Variants in FBN2 observed in about 807,000 individuals in gnomAD.
FBN2 encodes fibrillin-2.
FBN2 carries 105 observed loss-of-function variants against 355.6 expected under a neutral mutation model. That is an observed-to-expected ratio of 0.30 (90% confidence interval 0.25 to 0.35). The LOEUF is 0.35. Ranked by LOEUF, FBN2 falls within the 10% of genes least tolerant of loss-of-function variation. The pLI is 1.00. For synonymous variants in FBN2, 1,350 were observed against 1,301.2 expected (o/e 1.04, Z -0.81); for missense variants, 3,280 against 3,758.7 (o/e 0.87, Z 3.33).
chr5:128,330,798 G>A lies in FBN2; in HGVS notation c.4223-103C>T. On this transcript the variant is annotated intron_variant, in intron 32 of 64. Transcript: ENST00000262464. The stretch of plus-strand genomic sequence containing the variant: ...TTACATATAAACTGGATAAATGACA[G>A]GCATTTTAGTTTGCAGGATCACAGT... The A allele has an allele frequency of 3.9e-6, 5 of 1,290,758 alleles. No homozygotes were observed. The South Asian group carries it at 6.2e-5, about 16-fold the overall frequency. The allele number at this position is 1,290,758 out of a possible 1,614,324, so 80.0% of individuals were successfully genotyped here.
At chr5:128,296,005 C>A (rs1036074489) in intron 48 of FBN2, among the ~76,000 whole-genome samples, 1 of 151,660 alleles carries the variant, frequency 6.6e-6, no homozygotes, top group African/African-American at 2.4e-5. Context: ...TTTTGAGATA[C>A]GTCCCATCAA....
At chr5:128,501,041 G>GCC (rs1413781024) in intron 5 of FBN2, among the ~76,000 whole-genome samples, 2 of 152,094 alleles carry the variant, frequency 1.3e-5, no homozygotes, top group African/African-American at 4.8e-5. Context: ...CTGGGGTGAA[G>GCC]CCCCTTACAA....
intron 20 of FBN2, among the ~76,000 whole-genome samples, chr5:128,353,411 C>G (rs954505017): frequency 6.6e-6 from 1 of 152,174 alleles, no homozygotes; most frequent in Non-Finnish European, 1.5e-5. Context: ...AAGAGCTGGA[C>G]AGTCACTTTG....
chr5:128,297,490 C>T (rs1749557971), intron 48 of FBN2, among the ~76,000 whole-genome samples: 2 of 152,086 alleles, frequency 1.3e-5, no homozygotes, highest in African/African-American at 2.4e-5. Flanking sequence ...TTGTAGGTCA[C>T]TCAGGACTTG....
At chr5:128,374,482 C>A (rs1187871035) in intron 15 of FBN2, 146 bp downstream of exon 15, 2 of 1,124,802 alleles carry the variant, frequency 1.8e-6, no homozygotes, top group Non-Finnish European at 1.3e-6. Flanking sequence ...TGGCTTCTTT[C>A]ACTTAGCATA....
Position 128,288,478 on chromosome 5 carries a change from G to A in FBN2, c.6717C>T (p.Cys2239=). 1 of 1,613,960 alleles carries A rather than the reference G, an allele frequency of 6.2e-7. No individual in the cohort carries two copies. ...TGGGCCCTGGCTCAAAGCCTTCATT[G>A]CAATTGCATTCAAAACTCCCAATAA... ...TNVIGSFECN[C]NEGFEPGPMM... Residue 2239 remains cysteine (C), a synonymous_variant, in exon 53 of 65, where the codon TGC becomes TGT. Coordinates refer to ENST00000262464, the MANE Select transcript of FBN2 (RefSeq NM_001999.4).
rs10076728 is a variant in FBN2, at chr5:128,312,365, A to G, written c.4879+269T>C. On this transcript the variant is annotated intron_variant, in intron 37 of 64. Coordinates refer to ENST00000262464, the MANE Select transcript of FBN2 (RefSeq NM_001999.4). ...GAATCAGGAATGCACTTTATCTGTG[A>G]CATCATGAAGAACTGATATTAGTAC... Among the ~76,000 whole-genome samples, 12,121 of 152,300 alleles carry G rather than the reference A, an allele frequency of 0.08. 627 individuals carry two copies. Among genetic ancestry groups the G allele is most frequent in the Non-Finnish European group, 0.11 (7,817 of 68,016 alleles).
At chr5:128,481,937 G>A (rs1303575863) in intron 5 of FBN2, among the ~76,000 whole-genome samples, 1 of 152,128 alleles carries the variant, frequency 6.6e-6, no homozygotes, top group African/African-American at 2.4e-5. Flanking sequence ...ACAGAAAATA[G>A]CAAATCTTAT....
chr5:128,399,274 T>A (rs1473472190), intron 8 of FBN2, among the ~76,000 whole-genome samples: 1 of 152,094 alleles, frequency 6.6e-6, no homozygotes, highest in Non-Finnish European at 1.5e-5. Flanking sequence ...ACAAGACAGA[T>A]CACCTGCTGA....
At chr5:128,297,786 A>G (rs902143582) in intron 48 of FBN2, among the ~76,000 whole-genome samples, 2 of 152,092 alleles carry the variant, frequency 1.3e-5, no homozygotes, top group African/African-American at 4.8e-5. Context: ...TTGAGTCTTT[A>G]TCCAATTTGC....
At chr5:128,519,997 G>A (rs1411527556) in intron 4 of FBN2, among the ~76,000 whole-genome samples, 1 of 152,046 alleles carries the variant, frequency 6.6e-6, no homozygotes, top group East Asian at 1.9e-4. Flanking sequence ...GAGACTATTT[G>A]CAGGTCATAG....
intron 7 of FBN2, among the ~76,000 whole-genome samples, chr5:128,440,916 G>T (rs540392076): frequency 6.6e-6 from 1 of 152,252 alleles, no homozygotes; most frequent in East Asian, 1.9e-4. Flanking sequence ...TTCTTAAAAG[G>T]CTCCATGGAA....
intron 15 of FBN2, among the ~76,000 whole-genome samples, chr5:128,369,960 C>A (rs1751887454): frequency 6.6e-6 from 1 of 152,172 alleles, no homozygotes; most frequent in South Asian, 2.1e-4. Flanking sequence ...GTCAGGTCAA[C>A]AGCTCTATAG....
chr5:128,500,394 G>A (rs1209089540), intron 5 of FBN2, among the ~76,000 whole-genome samples: 1 of 133,912 alleles, frequency 7.5e-6, no homozygotes, highest in East Asian at 2.3e-4. Context: ...TCCCTCAAAT[G>A]ATATAGGGAA....
chr5:128,525,090 C>T (rs564158760), intron 4 of FBN2, among the ~76,000 whole-genome samples: 10 of 152,256 alleles, frequency 6.6e-5, no homozygotes, highest in Non-Finnish European at 1.3e-4. Context: ...TACATACACA[C>T]GTATGCCCAA....
In FBN2 at chr5:128,364,627, G is replaced by T. The variant is rs1406971434; in HGVS notation, c.2401C>A (p.Pro801Thr). The T allele has an allele frequency of 4.3e-6, 7 of 1,613,450 alleles. No individual in the cohort carries two copies. Among genetic ancestry groups the T allele is most frequent in the African/African-American group, 1.3e-5 (1 of 74,888 alleles). The change falls in exon 18 of 65, where the codon CCA becomes ACA. Residue 801 changes from proline (P) to threonine (T), a missense_variant. Pro to Thr is a conservative substitution (Grantham distance 38). Transcript: ENST00000262464. Reference protein sequence around the residue: ...YRCNCNSGYEPDASGRNCIDI... With the variant: ...YRCNCNSGYETDASGRNCIDI... ...ATACAGTTTCTTCCAGAGGCATCTG[G>T]TTCATAGCCACTGTTGCAATTACAA...
At chr5:128,482,879 G>C (rs917397628) in intron 5 of FBN2, among the ~76,000 whole-genome samples, 2 of 152,092 alleles carry the variant, frequency 1.3e-5, no homozygotes, top group Non-Finnish European at 2.9e-5. Context: ...CAGCCACAAG[G>C]TTTTTAAAAT....
intron 47 of FBN2, 38 bp from the exon 48 acceptor site, chr5:128,300,974 G>T: frequency 6.3e-7 from 1 of 1,595,278 alleles, no homozygotes; most frequent in Non-Finnish European, 8.6e-7. Context: ...ATTTAAGCAT[G>T]AGATAATTGT....
intron 5 of FBN2, among the ~76,000 whole-genome samples, chr5:128,517,785 AC>A (rs1390406324): frequency 6.6e-6 from 1 of 152,150 alleles, no homozygotes; most frequent in Non-Finnish European, 1.5e-5. Context: ...ATGTATATAA[AC>A]CTTGACCCCT....
Sources: gnomAD v4.1 joint callset for allele counts (sites outside exome capture counted in the v4.1 genomes callset) on GRCh38, gnomAD v4.1.1 for gene constraint, MANE v1.5 for transcripts, NCBI Gene and HGNC (gene_info 2026-07-23, HGNC 2026-07-21) for gene names.